Variants in MYO3B observed in about 807,000 individuals in gnomAD.
MYO3B encodes the protein myosin-IIIb.
A neutral mutation model predicts 174.6 loss-of-function variants in MYO3B; 156 were observed. The ratio of observed to expected loss-of-function variants is 0.89; its 90% CI spans 0.78 to 1.02. The LOEUF (loss-of-function observed/expected upper bound fraction) is 1.02. Among genes scored for constraint, MYO3B ranks in the 50% least tolerant of loss-of-function variants. The pLI, the probability that MYO3B is intolerant of heterozygous loss-of-function variation, is 0.00. For synonymous variants in MYO3B, 563 were observed against 569.1 expected, an observed-to-expected ratio of 0.99 and a Z score of 0.15; for missense variants, 1,632 against 1,639.4, an observed-to-expected ratio of 1.00 and a Z score of 0.08.
intron 7 of MYO3B, among the ~76,000 whole-genome samples, chr2:170,311,721 A>G (rs6737804): frequency 0.97 from 147,367 of 152,020 alleles, 71,567 homozygotes; most frequent in East Asian, 1. Context: ...GCGTTCTTCT[A>G]AGAGTTTTAT....
At chr2:170,466,125 A>G (rs1013608816) in intron 24 of MYO3B, among the ~76,000 whole-genome samples, 4 of 152,204 alleles carry the variant, frequency 2.6e-5, no homozygotes, top group African/African-American at 9.7e-5. Flanking sequence ...TCTTAGGCTG[A>G]AGAAGCAAAT....
chr2:170,405,816 T>C (rs1232178105), intron 21 of MYO3B, among the ~76,000 whole-genome samples, 183 bp downstream of exon 21: 3 of 152,234 alleles, frequency 2.0e-5, no homozygotes, highest in African/African-American at 4.8e-5. Flanking sequence ...GCCCCTGGCA[T>C]AGAAGCAATT....
At chr2:170,304,159 A>G (rs976143799) in intron 7 of MYO3B, among the ~76,000 whole-genome samples, 8 of 152,210 alleles carry the variant, frequency 5.3e-5, no homozygotes, top group African/African-American at 1.9e-4. Context: ...AACAGAACCT[A>G]TGATTCAAAA....
chr2:170,325,250 C>G (rs2093857063), intron 7 of MYO3B, among the ~76,000 whole-genome samples: 1 of 152,026 alleles, frequency 6.6e-6, no homozygotes, highest in Non-Finnish European at 1.5e-5. Context: ...CTTTGTTGCC[C>G]AGGCTGGAGT....
chr2:170,448,146 C>A (rs770058891), intron 23 of MYO3B, among the ~76,000 whole-genome samples: 2 of 152,116 alleles, frequency 1.3e-5, no homozygotes, highest in Non-Finnish European at 2.9e-5. Context: ...GCAGTCTAGT[C>A]CCCAGGCAGG....
chr2:170,326,553 GACA>G (rs5836269), intron 7 of MYO3B, among the ~76,000 whole-genome samples: 32,029 of 152,032 alleles, frequency 0.21, 4,085 homozygotes, highest in South Asian at 0.33. Context: ...CATTGGCTCA[GACA>G]ACGAGCCACA....
At chr2:170,421,053 G>A (rs566306029) in intron 22 of MYO3B, among the ~76,000 whole-genome samples, 7 of 152,086 alleles carry the variant, frequency 4.6e-5, no homozygotes, top group Non-Finnish European at 8.8e-5. Context: ...TCTTTCCATC[G>A]TCTAGAGAGG....
intron 7 of MYO3B, among the ~76,000 whole-genome samples, chr2:170,300,305 T>C (rs1438904640): frequency 6.6e-6 from 1 of 152,222 alleles, no homozygotes; most frequent in Admixed American, 6.5e-5. Flanking sequence ...AATGATGAGC[T>C]ATGTTCTGGA....
chr2:170,228,860 C>G (rs2092981930), intron 6 of MYO3B, among the ~76,000 whole-genome samples: 1 of 143,756 alleles, frequency 7.0e-6, no homozygotes, highest in Admixed American at 7.4e-5. Flanking sequence ...TCATAGTGTA[C>G]AAAATGTGGA....
intron 7 of MYO3B, among the ~76,000 whole-genome samples, chr2:170,325,797 T>C (rs560302001): frequency 6.6e-6 from 1 of 152,266 alleles, no homozygotes; most frequent in Non-Finnish European, 1.5e-5. Flanking sequence ...ACTGGCCAGA[T>C]AAGTCTATCT....
intron 32 of MYO3B, among the ~76,000 whole-genome samples, chr2:170,580,718 A>ATGTGTGTGTGTGTGTGTGTG (rs59092368): frequency 7.0e-6 from 1 of 142,702 alleles, no homozygotes; most frequent in African/African-American, 2.6e-5. Context: ...AACCTTATAT[A>ATGTGTGTGTGTGTGTGTGTG]TGTGTGTGTG....
intron 32 of MYO3B, among the ~76,000 whole-genome samples, chr2:170,547,244 G>A (rs1487640397): frequency 6.6e-6 from 1 of 151,726 alleles, no homozygotes; most frequent in East Asian, 1.9e-4. Flanking sequence ...GCGGGAGAAT[G>A]GCGTGAACCT....
chr2:170,387,342 C>T (rs779306151), intron 14 of MYO3B, 34 bp downstream of exon 14: 7 of 1,595,410 alleles, frequency 4.4e-6, no homozygotes, highest in Non-Finnish European at 5.1e-6. Context: ...TGTTTTTGCC[C>T]TGCAGTAAAA....
intron 8 of MYO3B, among the ~76,000 whole-genome samples, chr2:170,364,539 G>A (rs1181947933): frequency 1.3e-5 from 2 of 152,144 alleles, no homozygotes; most frequent in African/African-American, 2.4e-5. Flanking sequence ...GTCCCTGGCT[G>A]GGGGAAGATA....
chr2:170,192,635 A>G (rs1160521433), intron 1 of MYO3B, among the ~76,000 whole-genome samples: 2 of 151,164 alleles, frequency 1.3e-5, no homozygotes, highest in Non-Finnish European at 3.0e-5. Flanking sequence ...TTTTGAATAG[A>G]ATATTAAAAA....
intron 7 of MYO3B, among the ~76,000 whole-genome samples, chr2:170,244,593 A>G (rs977815896): frequency 3.9e-5 from 6 of 152,212 alleles, no homozygotes; most frequent in Non-Finnish European, 8.8e-5. Context: ...AATGTGCTTC[A>G]ATTCTTCAAA....
intron 7 of MYO3B, among the ~76,000 whole-genome samples, chr2:170,318,735 G>A (rs2093793841): frequency 6.6e-6 from 1 of 152,200 alleles, no homozygotes. Flanking sequence ...GTAATTCTGA[G>A]TTGTTAGTGT....
At position 170,641,891 on chromosome 2, in the gene MYO3B, C is replaced by A. The variant is rs201232776; in HGVS notation, c.3734-9737C>A. 2.9e-4 allele frequency among the ~76,000 whole-genome samples: 37 copies of A among 129,750 alleles called. No individual in the cohort carries two copies. In the East Asian group the frequency reaches 6.9e-3, roughly 24 times the overall value. 85.1% of individuals were successfully genotyped at this position (129,750 alleles called of 152,430 possible). The stretch of plus-strand genomic sequence containing the variant: ...GGGGGGGAGGGGCGGGGAGCCATAA[C>A]CCAAATTAAATGAATGAATGAATTT... On this transcript the variant is annotated intron_variant, in intron 32 of 34. Coordinates refer to ENST00000408978, the MANE Select transcript of MYO3B (RefSeq NM_138995.5).
At chr2:170,357,350 TA>T (rs1213794448) in intron 8 of MYO3B, among the ~76,000 whole-genome samples, 11 of 146,424 alleles carry the variant, frequency 7.5e-5, no homozygotes, top group Admixed American at 2.7e-4. Flanking sequence ...TATATATATA[TA>T]TTTTATATAT....
Sources: allele counts gnomAD v4.1 joint callset (sites outside exome capture counted in the v4.1 genomes callset), GRCh38; gene constraint gnomAD v4.1.1; transcripts MANE v1.5; gene names NCBI Gene and HGNC (gene_info 2026-07-23, HGNC 2026-07-21).